FOXP2: variants seen among roughly 807,000 people sequenced by gnomAD.
FOXP2 encodes the protein forkhead box P2.
FOXP2 carries 12 observed loss-of-function variants against 115.8 expected under a neutral mutation model. The ratio of observed to expected loss-of-function variants is 0.10; its 90% confidence interval spans 0.07 to 0.17. The LOEUF is 0.17. FOXP2 is among the 10% of genes least tolerant of loss of function. FOXP2 has a pLI of 1.00. For missense variants in FOXP2, 629 were observed against 843.5 expected (o/e 0.75, Z 3.15); for synonymous variants, 328 against 297.7 (o/e 1.10, Z -1.05).
At chr7:114,627,142 C>CT (rs34572446) in intron 3 of FOXP2, among the ~76,000 whole-genome samples, 112 of 144,032 alleles carry the variant, frequency 7.8e-4, no homozygotes, top group East Asian at 4.8e-3. Context: ...CCCTGGATTT[C>CT]TTTTTTTTTT....
chr7:114,381,094 G>T (rs1384549337), intron 2 of FOXP2, among the ~76,000 whole-genome samples: 1 of 152,194 alleles, frequency 6.6e-6, no homozygotes, highest in East Asian at 1.9e-4. Context: ...GTATATAATG[G>T]TCTGGCTATT....
intron 1 of FOXP2, among the ~76,000 whole-genome samples, chr7:114,135,265 A>T (rs1792009344): frequency 6.6e-6 from 1 of 152,210 alleles, no homozygotes; most frequent in Admixed American, 6.5e-5. Context: ...GAAGCACTGT[A>T]ATGCAGTGCT....
intron 1 of FOXP2, among the ~76,000 whole-genome samples, chr7:114,118,384 G>A (rs1215024308): frequency 6.6e-6 from 1 of 151,504 alleles, no homozygotes; most frequent in Non-Finnish European, 1.5e-5. Context: ...AAAAGTATGT[G>A]ATAAAGCTAA....
chr7:114,677,171 A>C (rs1263605669), intron 16 of FOXP2, among the ~76,000 whole-genome samples: 2 of 132,522 alleles, frequency 1.5e-5, no homozygotes, highest in Admixed American at 1.5e-4. Flanking sequence ...GTCTCAAAAA[A>C]CAAAAAAAAA....
rs148927037 is a variant in FOXP2 at position 114,443,787 on chromosome 7, G to A, written c.168+17108G>A. On this transcript the variant is annotated intron_variant, in intron 2 of 16. Transcript: ENST00000350908. Reference sequence around the variant, plus strand: ...TTAAGGCTGCATAGTATGCCATTGTGTGTATGTACCACATTTTCTTTTTCC... The same window carrying A: ...TTAAGGCTGCATAGTATGCCATTGTATGTATGTACCACATTTTCTTTTTCC... Among the ~76,000 whole-genome samples the A allele has an allele frequency of 1.4e-3, 207 of 152,234 alleles. 1 individual carries two copies. Among genetic ancestry groups the A allele is most frequent in the Middle Eastern group, 3.4e-3 (1 of 294 alleles).
intron 2 of FOXP2, among the ~76,000 whole-genome samples, chr7:114,343,574 GC>G (rs965369837): frequency 5.3e-5 from 8 of 151,568 alleles, no homozygotes; most frequent in African/African-American, 1.9e-4. Flanking sequence ...TTTATATTAT[GC>G]CACAGTTTTT....
intron 2 of FOXP2, among the ~76,000 whole-genome samples, chr7:114,321,161 T>C (rs1167306001): frequency 1.3e-5 from 2 of 148,204 alleles, no homozygotes; most frequent in African/African-American, 2.5e-5. Flanking sequence ...TCTGCAACCA[T>C]GAATATCTAG....
At chr7:114,141,595 C>G (rs1052703464) in intron 1 of FOXP2, among the ~76,000 whole-genome samples, 1 of 152,178 alleles carries the variant, frequency 6.6e-6, no homozygotes, top group Non-Finnish European at 1.5e-5. Flanking sequence ...CCTCAGGGTG[C>G]TAAAGAATCC....
chr7:114,652,330 C>G, intron 9 of FOXP2, 40 bp downstream of exon 9: 1 of 1,583,500 alleles, frequency 6.3e-7, no homozygotes, highest in Admixed American at 1.7e-5. Context: ...TCTTAGATTT[C>G]TGGTGTGTTA....
chr7:114,409,336 G>T (rs1212701592), upstream of FOXP2, among the ~76,000 whole-genome samples: 2 of 152,076 alleles, frequency 1.3e-5, no homozygotes, highest in Admixed American at 6.6e-5. Context: ...ATTTAACCCA[G>T]ATCCAAGGAT....
At chr7:114,427,516 C>T (rs1269812850) in intron 2 of FOXP2, among the ~76,000 whole-genome samples, 1 of 151,214 alleles carries the variant, frequency 6.6e-6, no homozygotes, top group African/African-American at 2.4e-5. Flanking sequence ...TATATTAGGC[C>T]AGAATGAGTA....
At chr7:114,181,277 A>AAT (rs143721093) in intron 1 of FOXP2, among the ~76,000 whole-genome samples, 96,275 of 146,002 alleles carry the variant, frequency 0.66, 35,816 homozygotes, top group Non-Finnish European at 0.85. Context: ...CTAATAAATT[A>AAT]ATATATATAT....
chr7:114,498,975 G>C (rs943226568), intron 2 of FOXP2: 8 of 716,952 alleles, frequency 1.1e-5, no homozygotes, highest in Non-Finnish European at 1.8e-5. Context: ...AAAAGTGTGA[G>C]TCCTGGACCA....
intron 1 of FOXP2, among the ~76,000 whole-genome samples, chr7:114,149,035 C>A (rs193172583): frequency 2.0e-5 from 3 of 152,024 alleles, no homozygotes; most frequent in Admixed American, 1.3e-4. Flanking sequence ...ATTGTTAGTG[C>A]GGAACATAGC....
intron 2 of FOXP2, among the ~76,000 whole-genome samples, chr7:114,492,225 G>A (rs1797096415): frequency 1.3e-5 from 2 of 152,050 alleles, no homozygotes; most frequent in Non-Finnish European, 2.9e-5. Context: ...TTCTCTGGTG[G>A]CAGTTTGTAT....
intron 1 of FOXP2, among the ~76,000 whole-genome samples, chr7:114,108,967 C>G (rs1026456042): frequency 6.6e-6 from 1 of 151,914 alleles, no homozygotes; most frequent in Admixed American, 6.6e-5. Context: ...ATGAAACACT[C>G]ACAAGGTAAT....
rs550292545 is a variant in FOXP2, at chr7:114,101,329, C to A, written c.-247+13491C>A. Among the ~76,000 whole-genome samples, 11 of 152,202 alleles carry A rather than the reference C, an allele frequency of 7.2e-5. No homozygotes were observed. In the South Asian group the frequency reaches 2.3e-3, roughly 32 times the overall value. On this transcript the variant is annotated intron_variant, in intron 1 of 19. Coordinates refer to the FOXP2 transcript ENST00000635638. The stretch of plus-strand genomic sequence containing the variant: ...ACAAGACATGCAGAAACAGGAGAGA[C>A]CCATGAAAATTTGCCTCTCACCCCA...
At chr7:114,437,146 A>C (rs1008797019) in intron 2 of FOXP2, among the ~76,000 whole-genome samples, 1 of 152,060 alleles carries the variant, frequency 6.6e-6, no homozygotes, top group Admixed American at 6.6e-5. Flanking sequence ...CTGTTTGTGG[A>C]CTGAGGTATT....
rs1265258639 is a variant in FOXP2, at chr7:114,434,962, T to G, written c.168+8283T>G. ...TGGCTCATGGAGAACCCAACCATCC[T>G]CCTTGTTATAGCATATCCCAAAATG... On this transcript the variant is annotated intron_variant, in intron 2 of 16. Transcript: ENST00000350908. Among the ~76,000 whole-genome samples, 3 of 152,272 alleles carry G rather than the reference T, an allele frequency of 2.0e-5. No individual in the cohort carries two copies. In the East Asian group the frequency reaches 5.8e-4, roughly 29 times the overall value.
Sources: gnomAD v4.1 joint callset for allele counts (sites outside exome capture counted in the v4.1 genomes callset) on GRCh38, gnomAD v4.1.1 for gene constraint, MANE v1.5 for transcripts, NCBI Gene and HGNC (gene_info 2026-07-23, HGNC 2026-07-21) for gene names.